Variants in GSG1L observed in about 807,000 individuals in gnomAD.
The protein encoded by GSG1L is GSG1 like, also known as germ cell-specific gene 1-like protein.
A neutral mutation model predicts 42.1 loss-of-function variants in GSG1L; 24 were observed. That is an observed-to-expected ratio of 0.57 (90% CI 0.41 to 0.80). The LOEUF is 0.80. GSG1L is among the 30% of genes least tolerant of loss of function. The probability of loss-of-function intolerance (pLI) is 0.00; values close to 1 mark genes in which losing one functional copy is unlikely to be tolerated. For synonymous variants in GSG1L, 215 were observed against 203.5 expected, an observed-to-expected ratio of 1.06 and a Z score of -0.48; for missense variants, 445 against 472.2, an observed-to-expected ratio of 0.94 and a Z score of 0.53.
At chr16:27,961,420 A>T (rs948689569) in intron 2 of GSG1L, among the ~76,000 whole-genome samples, 7 of 152,224 alleles carry the variant, frequency 4.6e-5, no homozygotes, top group Non-Finnish European at 7.3e-5. Context: ...TGCACATCCC[A>T]GAAGGCTGCA....
chr16:27,946,352 C>A (rs933615689), intron 2 of GSG1L, among the ~76,000 whole-genome samples: 6 of 151,944 alleles, frequency 3.9e-5, no homozygotes, highest in South Asian at 2.1e-4. Context: ...CGAGACCAGC[C>A]TGGGCAACAT....
chr16:27,851,524 C>T (rs933806877), intron 3 of GSG1L, among the ~76,000 whole-genome samples: 17 of 152,126 alleles, frequency 1.1e-4, no homozygotes, highest in Non-Finnish European at 5.9e-5. Context: ...GATTCACCCC[C>T]CTTCTCTCCA....
chr16:27,812,261 T>C (rs771540395), intron 5 of GSG1L, among the ~76,000 whole-genome samples: 3 of 151,906 alleles, frequency 2.0e-5, no homozygotes, highest in Non-Finnish European at 2.9e-5. Flanking sequence ...GGATCTCCTG[T>C]TGGTTTTACC....
intron 2 of GSG1L, among the ~76,000 whole-genome samples, chr16:27,921,833 A>G (rs993380867): frequency 1.3e-5 from 2 of 152,124 alleles, no homozygotes; most frequent in Non-Finnish European, 2.9e-5. Context: ...CGTACCTGTG[A>G]CCCACTATTG....
At chr16:27,838,729 G>T (rs1211446679) in intron 4 of GSG1L, among the ~76,000 whole-genome samples, 3 of 152,200 alleles carry the variant, frequency 2.0e-5, no homozygotes, top group Non-Finnish European at 4.4e-5. Flanking sequence ...GTGGGGCACG[G>T]CTGGGCACAG....
intron 4 of GSG1L, among the ~76,000 whole-genome samples, chr16:27,836,982 TG>T (rs1250658091): frequency 6.6e-5 from 10 of 152,196 alleles, no homozygotes. Context: ...TCTGGCAAGG[TG>T]GCTTTGGCGA....
At chr16:27,849,119 G>C (rs2083476083) in intron 3 of GSG1L, among the ~76,000 whole-genome samples, 1 of 150,526 alleles carries the variant, frequency 6.6e-6, no homozygotes. Flanking sequence ...AACCTAGGAG[G>C]CAGAAGCTGC....
intron 1 of GSG1L, among the ~76,000 whole-genome samples, chr16:27,975,250 C>T (rs2085238265): frequency 6.6e-6 from 1 of 152,126 alleles, no homozygotes; most frequent in African/African-American, 2.4e-5. Flanking sequence ...TCCTTCTGCC[C>T]TCTTGATTCC....
intron 5 of GSG1L, among the ~76,000 whole-genome samples, chr16:27,819,982 A>G (rs1181880675): frequency 6.6e-6 from 1 of 152,140 alleles, no homozygotes; most frequent in East Asian, 1.9e-4. Context: ...GGAGACATAA[A>G]GAGAAGGCCC....
intron 1 of GSG1L, among the ~76,000 whole-genome samples, chr16:27,994,261 G>A (rs2085489386): frequency 6.6e-6 from 1 of 152,084 alleles, no homozygotes; most frequent in Non-Finnish European, 1.5e-5. Context: ...GCAGCTCATG[G>A]AGGATGGGGC....
At chr16:27,962,779 C>A (rs1032872607) in intron 2 of GSG1L, among the ~76,000 whole-genome samples, 1 of 152,174 alleles carries the variant, frequency 6.6e-6, no homozygotes, top group African/African-American at 2.4e-5. Flanking sequence ...AAAGGCCAGG[C>A]ACCTGGCTTC....
chr16:27,947,495 AAG>A (rs1196845147), intron 2 of GSG1L, among the ~76,000 whole-genome samples: 6 of 151,366 alleles, frequency 4.0e-5, no homozygotes, highest in East Asian at 1.9e-4. Flanking sequence ...GAAAGAAAGA[AAG>A]AGAAAGAAAG....
At chr16:27,812,104 C>A (rs2083037869) in intron 5 of GSG1L, among the ~76,000 whole-genome samples, 1 of 152,182 alleles carries the variant, frequency 6.6e-6, no homozygotes, top group Non-Finnish European at 1.5e-5. Context: ...TGGCACAATA[C>A]CTTCCCTCCC....
intron 3 of GSG1L, among the ~76,000 whole-genome samples, chr16:27,848,006 T>A (rs1217706157): frequency 6.6e-6 from 1 of 152,180 alleles, no homozygotes; most frequent in Non-Finnish European, 1.5e-5. Flanking sequence ...TAACATTGGG[T>A]AGGTTGACTT....
chr16:27,795,258 T>C (rs569660800), intron 6 of GSG1L, among the ~76,000 whole-genome samples: 1 of 152,242 alleles, frequency 6.6e-6, no homozygotes, highest in Admixed American at 6.5e-5. Flanking sequence ...ATGCACCTGC[T>C]CTACCTGCTC....
chr16:27,830,434 C>T (rs973782257), intron 4 of GSG1L, among the ~76,000 whole-genome samples: 4 of 152,124 alleles, frequency 2.6e-5, no homozygotes, highest in Admixed American at 1.3e-4. Context: ...CTGAGCACCC[C>T]AGAAGGAAAG....
chr16:28,062,527 T>C (rs2141206000), intron 1 of GSG1L, among the ~76,000 whole-genome samples: 1 of 152,010 alleles, frequency 6.6e-6, no homozygotes, highest in South Asian at 2.1e-4. Context: ...CCCGCGGGAC[T>C]CCCCCACTCC....
At chr16:27,839,097 C>T (rs1455989413) in intron 4 of GSG1L, among the ~76,000 whole-genome samples, 3 of 152,190 alleles carry the variant, frequency 2.0e-5, no homozygotes, top group African/African-American at 4.8e-5. Context: ...GCAAAGGGGC[C>T]GCCTGGGGTC....
At position 27,823,905 on chromosome 16, in the gene GSG1L, C is replaced by T. The variant is rs749425173; in HGVS notation, c.830+4884G>A. 13 of 702,806 alleles carry T rather than the reference C, an allele frequency of 1.8e-5. No homozygotes were observed. The South Asian group carries it at 1.9e-4, about 10-fold the overall frequency. The allele number at this position is 702,806 out of a possible 1,614,324, so 43.5% of individuals were successfully genotyped here. On this transcript the variant is annotated intron_variant, in intron 5 of 6. Coordinates refer to ENST00000447459, the MANE Select transcript of GSG1L (RefSeq NM_001109763.2). ...CAAGTCGCCCTCCCTCTCTGTGCCT[C>T]GATTTGCCACCTGTAAAATGGAGGT...
Sources: gnomAD v4.1 joint callset for allele counts (sites outside exome capture counted in the v4.1 genomes callset) on GRCh38, gnomAD v4.1.1 for gene constraint, MANE v1.5 for transcripts, NCBI Gene and HGNC (gene_info 2026-07-23, HGNC 2026-07-21) for gene names.